Variants in DBF4B observed in about 807,000 individuals in gnomAD.
The protein encoded by DBF4B is protein DBF4 homolog B.
In DBF4B, 49 loss-of-function variants were observed where a neutral mutation model predicts 53.4. That is an observed-to-expected ratio of 0.92 (90% CI 0.73 to 1.16). DBF4B has a LOEUF of 1.16. Ranked by LOEUF, DBF4B falls within the 50% of genes most tolerant of loss-of-function variation. DBF4B has a pLI of 0.00. For synonymous variants in DBF4B, 257 were observed against 288.7 expected, an observed-to-expected ratio of 0.89 and a Z score of 1.11; for missense variants, 692 against 775.0, an observed-to-expected ratio of 0.89 and a Z score of 1.27.
At chr17:44,726,958 G>T (rs1051575852) in intron 3 of DBF4B, among the ~76,000 whole-genome samples, 1 of 152,020 alleles carries the variant, frequency 6.6e-6, no homozygotes, top group Non-Finnish European at 1.5e-5. Flanking sequence ...AATTAGCTGC[G>T]TGTGGTGGTA....
intron 10 of DBF4B, among the ~76,000 whole-genome samples, chr17:44,746,053 C>CAAAAAAAAAAAA (rs61654485): frequency 1.8e-5 from 2 of 110,662 alleles, no homozygotes; most frequent in African/African-American, 3.4e-5. Context: ...ACTAAAAATA[C>CAAAAAAAAAAAA]AAAAAAAAAA....
intron 7 of DBF4B, among the ~76,000 whole-genome samples, 186 bp from the exon 8 acceptor site, chr17:44,736,644 G>C (rs886706338): frequency 2.0e-5 from 3 of 152,110 alleles, no homozygotes; most frequent in Admixed American, 1.3e-4. Context: ...TATTCATCGT[G>C]TTGCCGAAGA....
intron 9 of DBF4B, 97 bp downstream of exon 9, chr17:44,738,521 A>G (rs992857691): frequency 4.6e-6 from 6 of 1,297,946 alleles, no homozygotes; most frequent in African/African-American, 3.0e-5. Context: ...ATGTGAAGAC[A>G]TGGAGCCCCT....
chr17:44,722,520 G>C (rs932274384), intron 2 of DBF4B, among the ~76,000 whole-genome samples: 1 of 152,164 alleles, frequency 6.6e-6, no homozygotes, highest in African/African-American at 2.4e-5. Context: ...CTCCTGCCTG[G>C]CACCCCCGTG....
chr17:44,735,342 C>T (rs1216530097), intron 7 of DBF4B, among the ~76,000 whole-genome samples: 2 of 152,194 alleles, frequency 1.3e-5, no homozygotes, highest in Admixed American at 6.5e-5. Flanking sequence ...AAATTCCCCC[C>T]TTCTATGCAG....
intron 2 of DBF4B, chr17:44,720,495 T>C (rs1973735449): frequency 4.7e-6 from 1 of 213,196 alleles, no homozygotes; most frequent in East Asian, 1.1e-4. Flanking sequence ...TTAGACGTTT[T>C]AGCCTTGAGG....
intron 7 of DBF4B, among the ~76,000 whole-genome samples, chr17:44,736,148 ATTT>A (rs61077434): frequency 7.2e-6 from 1 of 139,844 alleles, no homozygotes; most frequent in Non-Finnish European, 1.6e-5. Context: ...TGCCTGGCTA[ATTT>A]TTTTTTTTTT....
intron 6 of DBF4B, among the ~76,000 whole-genome samples, chr17:44,733,483 G>T (rs974664603): frequency 1.3e-5 from 2 of 152,212 alleles, no homozygotes; most frequent in Non-Finnish European, 2.9e-5. Context: ...TCTTGAGTCT[G>T]GAGTTTTCTG....
In DBF4B at chr17:44,751,105, T is replaced by C; in HGVS notation, c.1700T>C (p.Ile567Thr). The C allele has an allele frequency of 6.2e-7, 1 of 1,614,154 alleles. No homozygotes were observed. The highest frequency in any genetic ancestry group is 1.7e-5 in the Admixed American group (1 of 60,018). Reference protein sequence around the residue: ...RVPSLSTAGPIPRTSHPCTLA... With the variant: ...RVPSLSTAGPTPRTSHPCTLA... ...CCCTCATTGTCAACTGCAGGACCCA[T>C]TCCCCGAACCTCACATCCGTGTACC... Residue 567 changes from isoleucine (I) to threonine (T), a missense_variant, in exon 14 of 14, where the codon ATT (isoleucine) becomes ACT (threonine). Physicochemically the swap from Ile to Thr is moderately conservative, Grantham distance 89. Transcript: ENST00000315005.
intron 2 of DBF4B, among the ~76,000 whole-genome samples, chr17:44,716,941 C>T (rs959200377): frequency 6.6e-6 from 1 of 152,134 alleles, no homozygotes; most frequent in African/African-American, 2.4e-5. Flanking sequence ...CAGCGTCCAA[C>T]ATTTTGTAGC....
intron 13 of DBF4B, chr17:44,748,667 C>T (rs574979137): frequency 6.8e-7 from 1 of 1,465,976 alleles, no homozygotes; most frequent in African/African-American, 1.4e-5. Flanking sequence ...ATGGAACTCT[C>T]CTCTGGCCCA....
rs754009934 is a variant in DBF4B at position 44,722,885 on chromosome 17, T to G, written c.88T>G (p.Ser30Ala). 2 of 1,614,096 alleles carry G rather than the reference T, an allele frequency of 1.2e-6. No homozygotes were observed. The highest frequency in any genetic ancestry group is 1.1e-5 in the South Asian group (1 of 91,080). ...TCCTCTTTATTGTTTTCTAGGAGTT[T>G]CCAGGTGTCTAGGAAAATGCCAGAA... ...SRLRAPDLGVSRCLGKCQKNS... is the reference protein window; with the variant it reads ...SRLRAPDLGVARCLGKCQKNS... Residue 30 changes from serine to alanine, a missense_variant, in exon 3 of 14, where the codon TCC (serine) becomes GCC (alanine). This residue lies in a region of DBF4B where 66 missense variants were observed against 51.3 expected (regional missense o/e 1.29). Transcript: ENST00000315005.
chr17:44,716,174 T>A (rs1328673040), intron 2 of DBF4B, among the ~76,000 whole-genome samples: 3 of 152,090 alleles, frequency 2.0e-5, no homozygotes, highest in Non-Finnish European at 4.4e-5. Context: ...TGATCTTTGT[T>A]TACCTATTCA....
chr17:44,714,462 G>C lies in DBF4B; in HGVS notation c.82+5096G>C, dbSNP rs142584302. Reference sequence around the variant, plus strand: ...ATATGCCGATGTGGTAACAGTCTCTGTATGTTTTTTGTGTTTGTTTTTAAC... The same window carrying C: ...ATATGCCGATGTGGTAACAGTCTCTCTATGTTTTTTGTGTTTGTTTTTAAC... On this transcript the variant is annotated intron_variant, in intron 2 of 13. Coordinates refer to ENST00000315005, the MANE Select transcript of DBF4B (RefSeq NM_145663.3). Among the ~76,000 whole-genome samples the C allele has an allele frequency of 5.7e-3, 864 of 152,130 alleles. 10 individuals carry two copies. Among genetic ancestry groups the C allele is most frequent in the African/African-American group, 0.02 (835 of 41,530 alleles).
At chr17:44,750,219 C>G in intron 13 of DBF4B, 1 of 1,010,768 alleles carries the variant, frequency 9.9e-7, no homozygotes, top group African/African-American at 1.7e-5. Context: ...AATCTGGAGA[C>G]AGAAATGGGT....
intron 3 of DBF4B, among the ~76,000 whole-genome samples, chr17:44,724,749 G>C (rs1259943585): frequency 6.6e-6 from 1 of 152,170 alleles, no homozygotes; most frequent in Admixed American, 6.6e-5. Flanking sequence ...GGAGGCTGAG[G>C]TGGGAGGATT....
Position 44,747,487 on chromosome 17 carries a change from G to A in DBF4B, c.1036G>A (p.Asp346Asn). Residue 346 changes from aspartate (D) to asparagine (N), a missense_variant, in exon 12 of 14, where the codon GAC becomes AAC. Transcript: ENST00000315005. Reference protein sequence around the residue: ...IIAQLSHSFADIPFQAGLPRW... With the variant: ...IIAQLSHSFANIPFQAGLPRW... ...TGCTCAGCTCAGCCACAGCTTTGCA[G>A]ACATCCCTTTCCAGGCTGGCCTCCC... 1.2e-6 allele frequency: 2 copies of A among 1,614,116 alleles called. No homozygotes were observed. The highest frequency in any genetic ancestry group is 2.2e-5 in the South Asian group (2 of 91,084).
At chr17:44,743,638 T>C (rs1294408437) in intron 10 of DBF4B, among the ~76,000 whole-genome samples, 54 of 140,928 alleles carry the variant, frequency 3.8e-4, no homozygotes, top group African/African-American at 1.3e-3. Flanking sequence ...TGAGAATGAG[T>C]CCCACACTGT....
At chr17:44,720,413 C>G (rs548337866) in intron 2 of DBF4B, 3 of 229,198 alleles carry the variant, frequency 1.3e-5, no homozygotes, top group African/African-American at 2.3e-5. Context: ...TTCTGGAATA[C>G]ATAGCAGATC....
Sources: allele counts gnomAD v4.1 joint callset (sites outside exome capture counted in the v4.1 genomes callset), GRCh38; gene constraint gnomAD v4.1.1; regional missense constraint gnomAD v4.1.1; transcripts MANE v1.5; gene names NCBI Gene and HGNC (gene_info 2026-07-23, HGNC 2026-07-21).